CSMD3: variants seen among roughly 807,000 people sequenced by gnomAD.
The protein encoded by CSMD3 is CUB and Sushi multiple domains 3, also known as CUB and sushi domain-containing protein 3.
A neutral mutation model predicts 435.2 loss-of-function variants in CSMD3; 177 were observed. The observed-to-expected ratio is 0.41, with a 90% CI of 0.36 to 0.46. CSMD3 has a LOEUF of 0.46. Ranked by LOEUF, CSMD3 falls within the 20% of genes least tolerant of loss-of-function variation. The pLI is 0.34. For missense variants in CSMD3, 4,265 were observed against 4,504.6 expected, an observed-to-expected ratio of 0.95 and a Z score of 1.52; for synonymous variants, 1,656 against 1,520.5, an observed-to-expected ratio of 1.09 and a Z score of -2.07.
intron 22 of CSMD3, among the ~76,000 whole-genome samples, chr8:112,615,581 A>G (rs1833605026): frequency 1.3e-5 from 2 of 152,080 alleles, no homozygotes; most frequent in Admixed American, 6.6e-5. Context: ...CATATAGAAT[A>G]CGCCTACATC....
At chr8:112,773,031 C>T (rs2078160500) in intron 13 of CSMD3, among the ~76,000 whole-genome samples, 1 of 152,008 alleles carries the variant, frequency 6.6e-6, no homozygotes, top group African/African-American at 2.4e-5. Context: ...GAGTCCCAGT[C>T]CCCTGGGCCC....
chr8:112,585,719 C>A (rs996872026), intron 23 of CSMD3, among the ~76,000 whole-genome samples: 2 of 151,566 alleles, frequency 1.3e-5, no homozygotes, highest in Non-Finnish European at 3.0e-5. Context: ...TGAATTTTAG[C>A]TCACCAATGC....
chr8:112,904,343 T>C (rs1347480989), intron 10 of CSMD3, among the ~76,000 whole-genome samples: 2 of 151,488 alleles, frequency 1.3e-5, no homozygotes, highest in African/African-American at 2.4e-5. Context: ...ATTTAACCAT[T>C]CCACAGTGTA....
chr8:112,381,891 T>C (rs1033918134), intron 37 of CSMD3, among the ~76,000 whole-genome samples: 1 of 152,162 alleles, frequency 6.6e-6, no homozygotes, highest in Non-Finnish European at 1.5e-5. Flanking sequence ...AGGAAATGCA[T>C]GGCAAATGTC....
intron 31 of CSMD3, among the ~76,000 whole-genome samples, chr8:112,476,032 AT>A (rs1433742748): frequency 6.6e-6 from 1 of 152,024 alleles, no homozygotes; most frequent in African/African-American, 2.4e-5. Context: ...CCATATTTGC[AT>A]TTTTTAATTT....
rs77910314 is a variant in CSMD3, at chr8:112,411,946, A to G, written c.5396-2914T>C. Among the ~76,000 whole-genome samples, 1,060 of 152,170 alleles carry G rather than the reference A, an allele frequency of 7.0e-3. 8 individuals are homozygous for G. Among genetic ancestry groups the G allele is most frequent in the African/African-American group, 0.024 (1,007 of 41,552 alleles). On this transcript the variant is annotated intron_variant, in intron 32 of 70. Transcript: ENST00000297405. ...CCAGCAAATTGGGTTACTTGTGTTA[A>G]ATGGAGACTGTGGTATAATGCAATG... is the stretch of plus-strand genomic sequence containing the variant.
At chr8:112,706,989 A>C (rs1226804838) in intron 13 of CSMD3, among the ~76,000 whole-genome samples, 1 of 152,092 alleles carries the variant, frequency 6.6e-6, no homozygotes, top group Non-Finnish European at 1.5e-5. Context: ...CCTTGAATGA[A>C]AGAACAAAGT....
intron 61 of CSMD3, among the ~76,000 whole-genome samples, chr8:112,256,851 T>C (rs1227428296): frequency 6.6e-6 from 1 of 152,122 alleles, no homozygotes; most frequent in Non-Finnish European, 1.5e-5. Flanking sequence ...GTCCATAAAA[T>C]GCATCATCCA....
chr8:113,065,920 A>G (rs2088833915), intron 5 of CSMD3, among the ~76,000 whole-genome samples: 2 of 151,978 alleles, frequency 1.3e-5, no homozygotes, highest in Admixed American at 1.3e-4. Flanking sequence ...ATACAAATAC[A>G]TTACAGTTAT....
intron 3 of CSMD3, among the ~76,000 whole-genome samples, chr8:113,257,803 G>A (rs1368866858): frequency 6.6e-6 from 1 of 152,030 alleles, no homozygotes; most frequent in African/African-American, 2.4e-5. Context: ...AACATAAATT[G>A]CTCACATCAA....
chr8:112,838,322 AG>A (rs2080086552), intron 11 of CSMD3, among the ~76,000 whole-genome samples: 1 of 151,886 alleles, frequency 6.6e-6, no homozygotes, highest in Admixed American at 6.6e-5. Context: ...GACCATGTTA[AG>A]GACTGTGAAC....
rs1258802880 is a variant in CSMD3 at position 112,492,637 on chromosome 8, G to A, written c.5130C>T (p.Gly1710=). ...SCFDPGNIMN[G]TRLGMDYKLG... ...ATTTATAATCCATTCCAAGTCTGGT[G>A]CCATTCATTATATTGCCTGGATCAA... The change falls in exon 31 of 71, where the codon GGC becomes GGT. Residue 1710 remains glycine (G), a synonymous_variant. Coordinates refer to ENST00000297405, the MANE Select transcript of CSMD3 (RefSeq NM_198123.2). 1.9e-6 allele frequency: 3 copies of A among 1,613,676 alleles called. No individual in the cohort carries two copies. The highest frequency in any genetic ancestry group is 2.5e-6 in the Non-Finnish European group (3 of 1,179,776).
At chr8:113,410,900 T>TGAAAGAAAGAAAGAAAAAGAAA (rs2094555633) in intron 1 of CSMD3, among the ~76,000 whole-genome samples, 1 of 105,396 alleles carries the variant, frequency 9.5e-6, no homozygotes, top group Non-Finnish European at 1.8e-5. Context: ...CAAAACCCTG[T>TGAAAGAAAGAAAGAAAAAGAAA]GAAAGAAAGA....
intron 25 of CSMD3, among the ~76,000 whole-genome samples, chr8:112,555,193 T>C (rs1828010681): frequency 6.6e-6 from 1 of 151,982 alleles, no homozygotes; most frequent in Admixed American, 6.6e-5. Flanking sequence ...AATGCATTGA[T>C]TTGCTGCGAA....
intron 1 of CSMD3, among the ~76,000 whole-genome samples, chr8:113,374,489 T>A (rs1464298435): frequency 6.6e-6 from 1 of 152,060 alleles, no homozygotes; most frequent in Non-Finnish European, 1.5e-5. Flanking sequence ...AAGTTCAAAT[T>A]TGTATTCCTC....
intron 4 of CSMD3, among the ~76,000 whole-genome samples, chr8:113,107,751 A>G (rs569085789): frequency 3.2e-4 from 48 of 152,308 alleles, no homozygotes; most frequent in African/African-American, 1.1e-3. Context: ...GGCAGCTTCA[A>G]TGGCTATATG....
At position 112,534,602 on chromosome 8, in the gene CSMD3, C is replaced by T. The variant is rs1586622522; in HGVS notation, c.4564+16069G>A. On this transcript the variant is annotated intron_variant, in intron 27 of 70. Transcript: ENST00000297405. ...TCACAGCTAAATTCTACCAGAGGTA[C>T]AAGGAGGAATTGGTACCATTCCTTC... 2.0e-5 allele frequency among the ~76,000 whole-genome samples: 3 copies of T among 152,202 alleles called. No individual in the cohort carries two copies. In the South Asian group the frequency reaches 6.2e-4, roughly 32 times the overall value.
chr8:112,561,796 A>T (rs553585187), intron 24 of CSMD3, among the ~76,000 whole-genome samples: 2 of 151,648 alleles, frequency 1.3e-5, no homozygotes, highest in African/African-American at 4.8e-5. Context: ...CATTTTATAA[A>T]TTATATAATG....
At chr8:113,290,095 A>G (rs1213633485) in intron 2 of CSMD3, among the ~76,000 whole-genome samples, 1 of 151,772 alleles carries the variant, frequency 6.6e-6, no homozygotes, top group Non-Finnish European at 1.5e-5. Context: ...AATCTTTGTG[A>G]TATGTTCCAT....
Sources: allele counts gnomAD v4.1 joint callset (sites outside exome capture counted in the v4.1 genomes callset), GRCh38; gene constraint gnomAD v4.1.1; transcripts MANE v1.5; gene names NCBI Gene and HGNC (gene_info 2026-07-23, HGNC 2026-07-21).